The following TRERF1 variants were observed in gnomAD, a reference collection of about 807,000 sequenced individuals.
The protein encoded by TRERF1 is transcriptional regulating factor 1, also known as transcriptional-regulating factor 1.
A neutral mutation model predicts 122.9 loss-of-function variants in TRERF1; 27 were observed. That is an observed-to-expected ratio of 0.22 (90% confidence interval 0.16 to 0.30). The LOEUF is 0.30. Among genes scored for constraint, TRERF1 ranks in the 10% least tolerant of loss-of-function variants. The probability of loss-of-function intolerance (pLI) is 1.00; values close to 1 mark genes in which losing one functional copy is unlikely to be tolerated. For missense variants in TRERF1, 1,248 were observed against 1,560.3 expected (o/e 0.80, Z 3.37); for synonymous variants, 636 against 641.7 (o/e 0.99, Z 0.13).
intron 3 of TRERF1, among the ~76,000 whole-genome samples, 191 bp from the exon 4 acceptor site, chr6:42,300,940 C>T (rs1245279714): frequency 6.6e-6 from 1 of 152,122 alleles, no homozygotes. Context: ...ATGTGCCAGG[C>T]AGGGCACTGA....
chr6:42,451,704 C>G (rs964568892), intron 1 of TRERF1, among the ~76,000 whole-genome samples: 1 of 151,098 alleles, frequency 6.6e-6, no homozygotes, highest in African/African-American at 2.4e-5. Context: ...TCTCCTGATG[C>G]TGGAAACTTA....
intron 2 of TRERF1, among the ~76,000 whole-genome samples, chr6:42,431,275 A>G (rs1412726055): frequency 3.9e-5 from 6 of 152,124 alleles, no homozygotes; most frequent in Admixed American, 3.9e-4. Flanking sequence ...AATAGAAAGG[A>G]GGAAAGCGAG....
chr6:42,402,047 T>G (rs903233331), intron 2 of TRERF1, among the ~76,000 whole-genome samples: 3 of 152,190 alleles, frequency 2.0e-5, no homozygotes, highest in Non-Finnish European at 4.4e-5. Flanking sequence ...ACCTCTAGTC[T>G]AGAAGCAAGT....
chr6:42,283,521 T>G (rs1782650150), intron 4 of TRERF1, among the ~76,000 whole-genome samples: 1 of 152,102 alleles, frequency 6.6e-6, no homozygotes, highest in Non-Finnish European at 1.5e-5. Context: ...GATTTTTCAT[T>G]TTATAACTTT....
intron 16 of TRERF1, among the ~76,000 whole-genome samples, chr6:42,233,532 G>T (rs181976808): frequency 6.6e-6 from 1 of 152,046 alleles, no homozygotes; most frequent in Non-Finnish European, 1.5e-5. Context: ...TGATCTGCCC[G>T]CCTTGGCCTC....
intron 2 of TRERF1, among the ~76,000 whole-genome samples, chr6:42,407,725 T>C (rs774198548): frequency 2.2e-4 from 33 of 151,800 alleles, no homozygotes; most frequent in Non-Finnish European, 3.8e-4. Context: ...TTTCTTCTTT[T>C]AAAAACCAAC....
intron 13 of TRERF1, among the ~76,000 whole-genome samples, chr6:42,252,188 T>A (rs940958462): frequency 2.0e-5 from 3 of 152,240 alleles, no homozygotes; most frequent in Non-Finnish European, 2.9e-5. Context: ...AGCCATTAGA[T>A]CTGGGCAAGT....
At chr6:42,324,357 C>T (rs1763932366) in intron 3 of TRERF1, among the ~76,000 whole-genome samples, 1 of 152,180 alleles carries the variant, frequency 6.6e-6, no homozygotes, top group Non-Finnish European at 1.5e-5. Context: ...CAATGCTATT[C>T]TTATCAAATG....
intron 2 of TRERF1, among the ~76,000 whole-genome samples, chr6:42,395,630 C>T (rs1049504171): frequency 1.2e-4 from 19 of 152,024 alleles, no homozygotes; most frequent in African/African-American, 4.6e-4. Flanking sequence ...AAACTCTCCT[C>T]AGTTTTCTGG....
At chr6:42,311,312 AG>A (rs1475104579) in intron 3 of TRERF1, among the ~76,000 whole-genome samples, 8 of 152,180 alleles carry the variant, frequency 5.3e-5, no homozygotes, top group Non-Finnish European at 8.8e-5. Flanking sequence ...ATCTGGGCAT[AG>A]GCCTAAATGA....
intron 4 of TRERF1, among the ~76,000 whole-genome samples, chr6:42,289,330 C>CA (rs1186020179): frequency 9.3e-5 from 11 of 118,290 alleles, no homozygotes; most frequent in African/African-American, 1.5e-4. Flanking sequence ...GACTCTGTCT[C>CA]AAAAAAAACA....
At chr6:42,383,457 T>C (rs1776293537) in intron 2 of TRERF1, among the ~76,000 whole-genome samples, 1 of 152,010 alleles carries the variant, frequency 6.6e-6, no homozygotes, top group Non-Finnish European at 1.5e-5. Flanking sequence ...GCTTTCCTAG[T>C]CTCATTTGTG....
At chr6:42,271,969 T>C (rs1005809448) in intron 4 of TRERF1, among the ~76,000 whole-genome samples, 1 of 151,878 alleles carries the variant, frequency 6.6e-6, no homozygotes, top group African/African-American at 2.4e-5. Context: ...TTAAAGAGGG[T>C]GTTCATGCGT....
intron 2 of TRERF1, among the ~76,000 whole-genome samples, chr6:42,419,178 G>A (rs1782377221): frequency 6.6e-6 from 1 of 152,182 alleles, no homozygotes; most frequent in East Asian, 1.9e-4. Flanking sequence ...CACAATCCCA[G>A]AGACTTCTTT....
intron 2 of TRERF1, among the ~76,000 whole-genome samples, chr6:42,404,408 T>C (rs1277341360): frequency 1.3e-5 from 2 of 152,074 alleles, no homozygotes; most frequent in Non-Finnish European, 2.9e-5. Flanking sequence ...CATAGCACAA[T>C]TCTAATCATT....
intron 3 of TRERF1, among the ~76,000 whole-genome samples, chr6:42,336,601 T>C (rs749437830): frequency 5.3e-5 from 8 of 152,184 alleles, no homozygotes; most frequent in Non-Finnish European, 7.3e-5. Context: ...GGATCATCCC[T>C]CTTTCCCCAC....
chr6:42,314,999 C>T lies in TRERF1; in HGVS notation c.-370-14250G>A, dbSNP rs575629. Reference sequence around the variant, plus strand: ...TGAGCTGAGACCTAAATGAGCAAAGCATGAAGATGTGAGGAGAGAACGTTC... The same window carrying T: ...TGAGCTGAGACCTAAATGAGCAAAGTATGAAGATGTGAGGAGAGAACGTTC... On this transcript the variant is annotated intron_variant, in intron 3 of 17. Transcript: ENST00000372922. Among the ~76,000 whole-genome samples the T allele has an allele frequency of 3.0e-3, 451 of 152,256 alleles. 2 individuals are homozygous for T. Among genetic ancestry groups the T allele is most frequent in the African/African-American group, 0.01 (428 of 41,536 alleles).
At chr6:42,423,976 A>T (rs1783233197) in intron 2 of TRERF1, among the ~76,000 whole-genome samples, 1 of 152,272 alleles carries the variant, frequency 6.6e-6, no homozygotes, top group South Asian at 2.1e-4. Context: ...ATAAAAAGAT[A>T]TGCTGTTTGG....
At chr6:42,239,432 A>C (rs999046592) in intron 15 of TRERF1, among the ~76,000 whole-genome samples, 1 of 152,116 alleles carries the variant, frequency 6.6e-6, no homozygotes, top group African/African-American at 2.4e-5. Context: ...CTCTGCTTCC[A>C]GTCACACTGC....
Sources: allele counts gnomAD v4.1 joint callset (sites outside exome capture counted in the v4.1 genomes callset), GRCh38; gene constraint gnomAD v4.1.1; transcripts MANE v1.5; gene names NCBI Gene and HGNC (gene_info 2026-07-23, HGNC 2026-07-21).